SYNPR: variants seen among roughly 807,000 people sequenced by gnomAD.
SYNPR encodes the protein synaptoporin.
A neutral mutation model predicts 32.9 loss-of-function variants in SYNPR; 23 were observed. That is an observed-to-expected ratio of 0.70 (90% CI 0.50 to 0.99). The LOEUF (loss-of-function observed/expected upper bound fraction) is 0.99. Ranked by LOEUF, SYNPR falls within the 50% of genes least tolerant of loss-of-function variation. SYNPR has a pLI of 0.00. For synonymous variants in SYNPR, 146 were observed against 135.9 expected (o/e 1.07, Z -0.52); for missense variants, 318 against 349.3 (o/e 0.91, Z 0.71).
chr3:63,266,141 G>A (rs998135878), intron 2 of SYNPR, among the ~76,000 whole-genome samples: 14 of 152,188 alleles, frequency 9.2e-5, no homozygotes, highest in African/African-American at 3.4e-4. Context: ...ACTCATTGCT[G>A]ATGTGAAAGG....
At chr3:63,376,383 C>T (rs182705649) in intron 2 of SYNPR, among the ~76,000 whole-genome samples, 1 of 152,258 alleles carries the variant, frequency 6.6e-6, no homozygotes, top group Admixed American at 6.5e-5. Flanking sequence ...CTAATGGCTT[C>T]CTCGTACTTA....
rs1702951133 is a variant in SYNPR, at chr3:63,574,895, TC to T, written c.408+18155del. 1.4e-4 allele frequency among the ~76,000 whole-genome samples: 22 copies of T among 152,270 alleles called. 2 individuals are homozygous for T. The South Asian group carries it at 4.6e-3, about 32-fold the overall frequency. On this transcript the variant is annotated intron_variant, in intron 4 of 5. Transcript: ENST00000478300. ...AGTACAGTCAGATAAAAGCTATTTT[TC>T]TGTGACTTTATAATTTATCATCCAA...
intron 3 of SYNPR, among the ~76,000 whole-genome samples, chr3:63,537,527 C>T (rs1398618061): frequency 3.3e-5 from 5 of 152,056 alleles, no homozygotes; most frequent in Non-Finnish European, 7.4e-5. Context: ...CTTCTTGAAG[C>T]ATTTGTCTTT....
chr3:63,207,864 C>A, the SYNPR span, among the ~76,000 whole-genome samples: 1 of 151,992 alleles, frequency 6.6e-6, no homozygotes, highest in Non-Finnish European at 1.5e-5. Context: ...TAATATAAAA[C>A]CCAAGAGGCT....
At chr3:63,472,634 A>C (rs1700825102) in intron 2 of SYNPR, among the ~76,000 whole-genome samples, 1 of 151,994 alleles carries the variant, frequency 6.6e-6, no homozygotes, top group African/African-American at 2.4e-5. Flanking sequence ...CCAAATGGGG[A>C]ATACAAAGAT....
intron 3 of SYNPR, chr3:63,545,346 C>T (rs1702381158): frequency 6.6e-6 from 1 of 152,068 alleles, no homozygotes; most frequent in South Asian, 2.1e-4. Context: ...AATTAAGAAA[C>T]CTAATAAGAA....
intron 3 of SYNPR, among the ~76,000 whole-genome samples, chr3:63,537,062 T>C (rs1018284681): frequency 2.6e-5 from 4 of 152,036 alleles, no homozygotes; most frequent in South Asian, 2.1e-4. Context: ...TGTGAATACA[T>C]GAAACTATGA....
At chr3:63,475,594 A>G (rs1173909690) in intron 2 of SYNPR, among the ~76,000 whole-genome samples, 1 of 152,192 alleles carries the variant, frequency 6.6e-6, no homozygotes, top group Non-Finnish European at 1.5e-5. Context: ...TTTGAAGAGC[A>G]TAGCGCGCAC....
chr3:63,298,040 T>C (rs2086809292), intron 2 of SYNPR, among the ~76,000 whole-genome samples: 1 of 152,166 alleles, frequency 6.6e-6, no homozygotes. Context: ...TAGGGAACTA[T>C]AGCTGGTTAT....
intron 1 of SYNPR, among the ~76,000 whole-genome samples, chr3:63,252,312 T>C (rs1028548313): frequency 6.6e-6 from 1 of 152,186 alleles, no homozygotes; most frequent in African/African-American, 2.4e-5. Flanking sequence ...CCTTTTATAA[T>C]ACATAATAAA....
chr3:63,422,265 A>G (rs959267476), intron 2 of SYNPR, among the ~76,000 whole-genome samples: 1 of 152,296 alleles, frequency 6.6e-6, no homozygotes, highest in African/African-American at 2.4e-5. Context: ...CTACATTGCT[A>G]TGTGTTCTCC....
chr3:63,290,864 C>A (rs1406284443), intron 2 of SYNPR, among the ~76,000 whole-genome samples: 1 of 152,174 alleles, frequency 6.6e-6, no homozygotes, highest in African/African-American at 2.4e-5. Flanking sequence ...CTGGTCTACT[C>A]TGAGATTTTC....
the SYNPR span, among the ~76,000 whole-genome samples, chr3:63,204,555 G>C: frequency 6.6e-6 from 1 of 152,050 alleles, no homozygotes; most frequent in South Asian, 2.1e-4. Context: ...CTTTTTAGAG[G>C]GATACAGTTC....
intron 2 of SYNPR, among the ~76,000 whole-genome samples, chr3:63,411,957 A>G (rs2088472376): frequency 6.6e-6 from 1 of 151,656 alleles, no homozygotes; most frequent in African/African-American, 2.4e-5. Flanking sequence ...GAGGAATGGA[A>G]TGAATTCAAA....
At chr3:63,248,634 C>G (rs2086308694) in intron 1 of SYNPR, among the ~76,000 whole-genome samples, 1 of 152,118 alleles carries the variant, frequency 6.6e-6, no homozygotes, top group Non-Finnish European at 1.5e-5. Context: ...TTTAGCTTCT[C>G]TTTGTGGAGT....
At chr3:63,472,609 C>T (rs751637068) in intron 2 of SYNPR, among the ~76,000 whole-genome samples, 21 of 152,116 alleles carry the variant, frequency 1.4e-4, no homozygotes, top group Non-Finnish European at 1.6e-4. Flanking sequence ...TGTGAGCCAC[C>T]GACAATGTTT....
chr3:63,421,333 GC>G (rs35841158), intron 2 of SYNPR, among the ~76,000 whole-genome samples: 20,095 of 150,840 alleles, frequency 0.13, 1,690 homozygotes, highest in East Asian at 0.44. Flanking sequence ...ATTTGTAATA[GC>G]CAAAAAACTG....
At chr3:63,329,581 C>G (rs1201296657) in intron 2 of SYNPR, among the ~76,000 whole-genome samples, 1 of 152,168 alleles carries the variant, frequency 6.6e-6, no homozygotes, top group South Asian at 2.1e-4. Flanking sequence ...GAGGACTATG[C>G]TCTCTGATGA....
At chr3:63,227,898 T>C (rs902560287), upstream of SYNPR, among the ~76,000 whole-genome samples, 2 of 152,126 alleles carry the variant, frequency 1.3e-5, no homozygotes, top group East Asian at 3.9e-4. Flanking sequence ...CACACACAAG[T>C]GGAATTCTGT....
Sources: gnomAD v4.1 joint callset for allele counts (sites outside exome capture counted in the v4.1 genomes callset) on GRCh38, gnomAD v4.1.1 for gene constraint, MANE v1.5 for transcripts, NCBI Gene and HGNC (gene_info 2026-07-23, HGNC 2026-07-21) for gene names.